CNTN4: variants seen among roughly 807,000 people sequenced by gnomAD.
CNTN4 encodes the protein contactin-4.
CNTN4 carries 77 observed loss-of-function variants against 122.5 expected under a neutral mutation model. That is an observed-to-expected ratio of 0.63 (90% confidence interval 0.52 to 0.76). The LOEUF is 0.76. Among genes scored for constraint, CNTN4 ranks in the 30% least tolerant of loss-of-function variants. The pLI, the probability that CNTN4 is intolerant of heterozygous loss-of-function variation, is 0.00. For missense variants in CNTN4, 1,256 were observed against 1,259.1 expected, an observed-to-expected ratio of 1.00 and a Z score of 0.04; for synonymous variants, 512 against 447.0, an observed-to-expected ratio of 1.15 and a Z score of -1.83.
chr3:2,423,245 C>T (rs2047679388), intron 3 of CNTN4, among the ~76,000 whole-genome samples: 2 of 152,184 alleles, frequency 1.3e-5, no homozygotes, highest in Non-Finnish European at 2.9e-5. Flanking sequence ...TTTTGACAAA[C>T]AAACTTCTAA....
chr3:2,712,576 TGTAAAATATATA>T (rs1363799782), intron 4 of CNTN4, among the ~76,000 whole-genome samples: 1 of 152,196 alleles, frequency 6.6e-6, no homozygotes, highest in Non-Finnish European at 1.5e-5. Flanking sequence ...GGTGTAATGT[TGTAAAATATATA>T]TTTGGTCTTC....
chr3:2,216,325 A>G (rs1485188685), intron 2 of CNTN4, among the ~76,000 whole-genome samples: 3 of 152,204 alleles, frequency 2.0e-5, no homozygotes, highest in Non-Finnish European at 4.4e-5. Flanking sequence ...TATAAGTGGG[A>G]GCTAAATGAT....
intron 3 of CNTN4, among the ~76,000 whole-genome samples, chr3:2,499,089 T>C (rs976088919): frequency 6.6e-6 from 1 of 152,164 alleles, no homozygotes; most frequent in African/African-American, 2.4e-5. Context: ...ACACCTGGCT[T>C]GATGGTGCTT....
At chr3:2,382,764 G>C (rs1023419660) in intron 3 of CNTN4, among the ~76,000 whole-genome samples, 3 of 152,064 alleles carry the variant, frequency 2.0e-5, no homozygotes, top group Non-Finnish European at 4.4e-5. Context: ...GACAGAACTG[G>C]AAAATGATGG....
At chr3:2,658,320 G>C (rs993951331) in intron 4 of CNTN4, among the ~76,000 whole-genome samples, 7 of 151,888 alleles carry the variant, frequency 4.6e-5, no homozygotes, top group Non-Finnish European at 1.0e-4. Context: ...ATAAAACCCT[G>C]TCTTACTCAC....
At chr3:2,574,169 TCA>T (rs1219995712) in intron 4 of CNTN4, among the ~76,000 whole-genome samples, 76 of 152,254 alleles carry the variant, frequency 5.0e-4, no homozygotes, top group African/African-American at 1.5e-3. Context: ...TGAGCCGAGA[TCA>T]CGCCACTGCA....
intron 3 of CNTN4, among the ~76,000 whole-genome samples, chr3:2,484,152 CAG>C (rs1162853160): frequency 2.0e-5 from 3 of 151,996 alleles, no homozygotes; most frequent in African/African-American, 7.3e-5. Context: ...GTTACATTAA[CAG>C]ATATTTTATT....
intron 3 of CNTN4, among the ~76,000 whole-genome samples, chr3:2,524,401 G>C (rs560581916): frequency 2.6e-5 from 4 of 152,038 alleles, no homozygotes; most frequent in African/African-American, 9.6e-5. Context: ...TGGACATTTA[G>C]GTTGTCTAAA....
chr3:2,903,280 A>T (rs953599984), intron 12 of CNTN4, among the ~76,000 whole-genome samples: 2 of 152,096 alleles, frequency 1.3e-5, no homozygotes, highest in Non-Finnish European at 2.9e-5. Flanking sequence ...AATTGAGCAA[A>T]GTTTTTGAGA....
intron 4 of CNTN4, among the ~76,000 whole-genome samples, chr3:2,717,250 G>A (rs375843201): frequency 9.9e-5 from 15 of 152,208 alleles, no homozygotes; most frequent in Middle Eastern, 3.4e-3. Flanking sequence ...ACTGGTAAGA[G>A]TGGCTCACTG....
At chr3:2,990,981 C>T (rs554913024) in intron 14 of CNTN4, among the ~76,000 whole-genome samples, 237 of 152,018 alleles carry the variant, frequency 1.6e-3, no homozygotes, top group Non-Finnish European at 2.8e-3. Flanking sequence ...AATAAATTTA[C>T]GTAAAGAAGT....
intron 3 of CNTN4, among the ~76,000 whole-genome samples, chr3:2,372,968 A>G (rs1389108267): frequency 6.6e-6 from 1 of 152,196 alleles, no homozygotes; most frequent in Non-Finnish European, 1.5e-5. Context: ...AATCACTTGA[A>G]CCTGGGAGGC....
In CNTN4 at chr3:2,194,643, T is replaced by C. The variant is rs912630883; in HGVS notation, c.-145+94004T>C. On this transcript the variant is annotated intron_variant, in intron 2 of 24. Coordinates refer to ENST00000418658, the MANE Select transcript of CNTN4 (RefSeq NM_175607.3). ...GTAATTAATTTACATAATGTCATACTGGAGTAGGGTGGGCCCCCAACCCAA... is the reference window on the plus strand; with the variant it reads ...GTAATTAATTTACATAATGTCATACCGGAGTAGGGTGGGCCCCCAACCCAA... Among the ~76,000 whole-genome samples, 10 of 152,172 alleles carry C rather than the reference T, an allele frequency of 6.6e-5. No homozygotes were observed. In the South Asian group the frequency reaches 1.7e-3, roughly 25 times the overall value.
At chr3:2,527,751 C>T (rs1173369280) in intron 3 of CNTN4, among the ~76,000 whole-genome samples, 4 of 152,076 alleles carry the variant, frequency 2.6e-5, no homozygotes, top group Admixed American at 6.6e-5. Flanking sequence ...CTTCTGAGAG[C>T]TAGTTGCCCC....
chr3:2,452,890 C>A (rs947846345), intron 3 of CNTN4, among the ~76,000 whole-genome samples: 1 of 152,058 alleles, frequency 6.6e-6, no homozygotes, highest in East Asian at 1.9e-4. Context: ...CCCCTCTTCT[C>A]CATGAACTCT....
rs184681644 is a variant in CNTN4 at position 2,840,904 on chromosome 3, A to G, written c.454+21323A>G. Among the ~76,000 whole-genome samples the G allele has an allele frequency of 2.0e-3, 301 of 152,132 alleles. 2 individuals carry two copies. The highest frequency in any genetic ancestry group is 4.4e-3 in the South Asian group (21 of 4,810). On this transcript the variant is annotated intron_variant, in intron 7 of 24. Transcript: ENST00000418658. Reference sequence around the variant, plus strand: ...GAAAGGCTTGCATAAGGTCACCTGAAAAGCTATTTCTGTGATACTGTTAAT... The same window carrying G: ...GAAAGGCTTGCATAAGGTCACCTGAGAAGCTATTTCTGTGATACTGTTAAT...
intron 4 of CNTN4, among the ~76,000 whole-genome samples, chr3:2,582,946 G>C (rs1399433098): frequency 6.8e-6 from 1 of 147,600 alleles, no homozygotes; most frequent in Non-Finnish European, 1.5e-5. Context: ...ACTATCTGAA[G>C]AAAGAATGAT....
chr3:2,828,931 G>T (rs867382126), intron 7 of CNTN4, among the ~76,000 whole-genome samples: 1 of 152,134 alleles, frequency 6.6e-6, no homozygotes, highest in Middle Eastern at 3.4e-3. Context: ...TAGAGATGGG[G>T]TCTTGTTTTG....
intron 24 of CNTN4, among the ~76,000 whole-genome samples, chr3:3,055,500 G>A (rs565301371): frequency 2.0e-5 from 3 of 152,150 alleles, no homozygotes; most frequent in Non-Finnish European, 2.9e-5. Context: ...AAGAACCCCC[G>A]AATGACAGTT....
Sources: allele counts gnomAD v4.1 joint callset (sites outside exome capture counted in the v4.1 genomes callset), GRCh38; gene constraint gnomAD v4.1.1; transcripts MANE v1.5; gene names NCBI Gene and HGNC (gene_info 2026-07-23, HGNC 2026-07-21).